BAG4: variants seen among roughly 807,000 people sequenced by gnomAD.
BAG4 encodes the protein BAG cochaperone 4, also known as BAG family molecular chaperone regulator 4.
Under a neutral mutation model 52.1 loss-of-function variants are expected in BAG4, and 28 were observed. The observed-to-expected ratio is 0.54, with a 90% CI of 0.40 to 0.74. The LOEUF (loss-of-function observed/expected upper bound fraction) is 0.74. Ranked by LOEUF, BAG4 falls within the 30% of genes least tolerant of loss-of-function variation. BAG4 has a pLI of 0.00. For missense variants in BAG4, 525 were observed against 572.0 expected (o/e 0.92, Z 0.84); for synonymous variants, 208 against 217.0 (o/e 0.96, Z 0.37).
At position 38,211,243 on chromosome 8, in the gene BAG4, GGTA is replaced by G. The variant is rs1803864619; in HGVS notation, c.*756_*758del. The G allele has an allele frequency of 7.3e-6, 1 of 136,556 alleles. No homozygotes were observed. The highest frequency in any genetic ancestry group is 2.1e-4 in the East Asian group (1 of 4,680). 8.5% of individuals were successfully genotyped at this position (136,556 alleles called of 1,614,324 possible). Reference sequence around the variant, plus strand: ...TTTTTTTACCACTTCTGCTGTTCATGGTAGTAGTGGAAGGTAAATTTGGAAATG... The same window carrying G: ...TTTTTTTACCACTTCTGCTGTTCATGGTAGTGGAAGGTAAATTTGGAAATG... On this transcript the variant is annotated 3_prime_UTR_variant, in exon 5 of 5. Transcript: ENST00000287322.
At chr8:38,203,281 A>ATTTT (rs751296737) in intron 2 of BAG4, among the ~76,000 whole-genome samples, 1 of 123,504 alleles carries the variant, frequency 8.1e-6, no homozygotes, top group African/African-American at 3.0e-5. Flanking sequence ...GTCTTGAGGA[A>ATTTT]TTTTTTTTTT....
intron 1 of BAG4, among the ~76,000 whole-genome samples, chr8:38,178,900 C>T (rs762200599): frequency 6.6e-6 from 1 of 151,914 alleles, no homozygotes; most frequent in Non-Finnish European, 1.5e-5. Context: ...TTTGAGTTGC[C>T]GAGGCTGGAG....
chr8:38,210,619 T>G lies in BAG4; in HGVS notation c.*126T>G, dbSNP rs1563286683. ...CAATACATTCCAGCTTTCCTTTGATTTTATACTTGAAAAACTGGCAAAGGA... is the reference window on the plus strand; with the variant it reads ...CAATACATTCCAGCTTTCCTTTGATGTTATACTTGAAAAACTGGCAAAGGA... On this transcript the variant is annotated 3_prime_UTR_variant, in exon 5 of 5. Coordinates refer to ENST00000287322, the MANE Select transcript of BAG4 (RefSeq NM_004874.4). 4 of 1,261,076 alleles carry G rather than the reference T, an allele frequency of 3.2e-6. No homozygotes were observed. Among genetic ancestry groups the G allele is most frequent in the Non-Finnish European group, 4.2e-6 (4 of 941,688 alleles). The allele number at this position is 1,261,076 out of a possible 1,614,324, so 78.1% of individuals were successfully genotyped here.
At chr8:38,183,065 G>A (rs1372049070) in intron 1 of BAG4, among the ~76,000 whole-genome samples, 34 of 85,878 alleles carry the variant, frequency 4.0e-4, no homozygotes, top group African/African-American at 1.5e-3. Context: ...TTTTTTTTTA[G>A]ACAGAGTCTC....
At chr8:38,208,134 GC>G (rs976123734) in intron 3 of BAG4, among the ~76,000 whole-genome samples, 2 of 150,502 alleles carry the variant, frequency 1.3e-5, no homozygotes, top group African/African-American at 4.9e-5. Context: ...GCGCCATCAC[GC>G]CCAGCTCATT....
chr8:38,208,384 A>G (rs1344385869), intron 3 of BAG4, among the ~76,000 whole-genome samples: 3 of 139,088 alleles, frequency 2.2e-5, no homozygotes, highest in Admixed American at 1.6e-4. Context: ...GTCTAGGCTC[A>G]CTGCAAGCTC....
chr8:38,208,574 G>A (rs1036204266), intron 3 of BAG4, among the ~76,000 whole-genome samples: 2 of 152,002 alleles, frequency 1.3e-5, no homozygotes, highest in African/African-American at 4.8e-5. Flanking sequence ...GCCTCCCAAA[G>A]TGCTGGGATT....
intron 2 of BAG4, among the ~76,000 whole-genome samples, chr8:38,195,627 T>C (rs993948965): frequency 6.6e-6 from 1 of 152,122 alleles, no homozygotes; most frequent in Non-Finnish European, 1.5e-5. Flanking sequence ...AAGGATGAGG[T>C]TGATCAGAGA....
At chr8:38,178,159 G>GTT (rs1264036123) in intron 1 of BAG4, among the ~76,000 whole-genome samples, 3 of 138,194 alleles carry the variant, frequency 2.2e-5, no homozygotes, top group South Asian at 2.4e-4. Flanking sequence ...CGTTTTTTTT[G>GTT]TTTTTTTTTT....
chr8:38,189,266 G>A (rs1018518053), intron 1 of BAG4, among the ~76,000 whole-genome samples: 1 of 152,096 alleles, frequency 6.6e-6, no homozygotes, highest in African/African-American at 2.4e-5. Flanking sequence ...CTTTAAATAG[G>A]TGAATTGGAT....
chr8:38,203,431 T>C (rs903374599), intron 2 of BAG4, among the ~76,000 whole-genome samples: 8 of 151,950 alleles, frequency 5.3e-5, no homozygotes, highest in African/African-American at 9.7e-5. Context: ...TACAGTCGCC[T>C]GCCACCACGC....
At chr8:38,200,101 G>A (rs559741187) in intron 2 of BAG4, among the ~76,000 whole-genome samples, 18 of 151,542 alleles carry the variant, frequency 1.2e-4, no homozygotes, top group Middle Eastern at 3.4e-3. Flanking sequence ...TGCTTCCCAG[G>A]TTCAAGTGAT....
At chr8:38,184,418 G>A (rs1037575555) in intron 1 of BAG4, among the ~76,000 whole-genome samples, 15 of 152,032 alleles carry the variant, frequency 9.9e-5, no homozygotes, top group Non-Finnish European at 1.8e-4. Context: ...GGTGAGCTGT[G>A]ATTGTGCCAC....
At chr8:38,192,874 G>C in intron 2 of BAG4, 79 bp downstream of exon 2, 1 of 1,065,234 alleles carries the variant, frequency 9.4e-7, no homozygotes. Context: ...AGATTTTAGA[G>C]CAGTGATGAG....
chr8:38,187,675 T>A (rs1313972584), intron 1 of BAG4, among the ~76,000 whole-genome samples: 1 of 152,088 alleles, frequency 6.6e-6, no homozygotes, highest in Non-Finnish European at 1.5e-5. Context: ...AGCATTCCTG[T>A]ATCTCACTGG....
chr8:38,193,172 A>G lies in BAG4; in HGVS notation c.378+377A>G, dbSNP rs180945176. 6.6e-5 allele frequency among the ~76,000 whole-genome samples: 10 copies of G among 152,242 alleles called. No individual in the cohort carries two copies. The East Asian group carries it at 1.5e-3, about 24-fold the overall frequency. ...AGTGGCTCACAGCTGTAATCCCAGCACTTTGGGAGACCAAGGCAGGCAGAT... is the reference window on the plus strand; with the variant it reads ...AGTGGCTCACAGCTGTAATCCCAGCGCTTTGGGAGACCAAGGCAGGCAGAT... On this transcript the variant is annotated intron_variant, in intron 2 of 4. Coordinates refer to ENST00000287322, the MANE Select transcript of BAG4 (RefSeq NM_004874.4).
At chr8:38,208,891 C>G in intron 3 of BAG4, 122 bp from the exon 4 acceptor site, 2 of 1,191,568 alleles carry the variant, frequency 1.7e-6, no homozygotes, top group Non-Finnish European at 1.1e-6. Context: ...ACAGTTTAGT[C>G]CGGTAGCAGC....
chr8:38,207,103 C>T (rs1024969659), intron 2 of BAG4, among the ~76,000 whole-genome samples: 2 of 152,028 alleles, frequency 1.3e-5, no homozygotes, highest in South Asian at 2.1e-4. Flanking sequence ...CAGGCGCCTG[C>T]CACCATGCCC....
At chr8:38,182,869 G>C (rs2130662483) in intron 1 of BAG4, among the ~76,000 whole-genome samples, 1 of 151,848 alleles carries the variant, frequency 6.6e-6, no homozygotes, top group East Asian at 1.9e-4. Context: ...ACTTTTTAGT[G>C]CTTCATTGAG....
Sources: allele counts gnomAD v4.1 joint callset (sites outside exome capture counted in the v4.1 genomes callset), GRCh38; gene constraint gnomAD v4.1.1; transcripts MANE v1.5; gene names NCBI Gene and HGNC (gene_info 2026-07-23, HGNC 2026-07-21).